The following TTC28 variants were observed in gnomAD, a reference collection of about 807,000 sequenced individuals.
The protein encoded by TTC28 is tetratricopeptide repeat protein 28.
A neutral mutation model predicts 198.0 loss-of-function variants in TTC28; 61 were observed. The observed-to-expected ratio is 0.31, with a 90% confidence interval of 0.25 to 0.38. TTC28 has a LOEUF of 0.38. TTC28 is among the 10% of genes least tolerant of loss of function. TTC28 has a pLI of 1.00. For missense variants in TTC28, 2,678 were observed against 3,164.0 expected, an observed-to-expected ratio of 0.85 and a Z score of 3.69; for synonymous variants, 1,171 against 1,297.8, an observed-to-expected ratio of 0.90 and a Z score of 2.10.
intron 21 of TTC28, among the ~76,000 whole-genome samples, chr22:27,989,112 T>C (rs932136253): frequency 4.6e-5 from 7 of 152,202 alleles, no homozygotes; most frequent in Admixed American, 3.3e-4. Context: ...CAGCCTCTTG[T>C]GTTCTATCAA....
chr22:28,171,844 A>G (rs1260829497), intron 5 of TTC28, among the ~76,000 whole-genome samples: 1 of 152,188 alleles, frequency 6.6e-6, no homozygotes, highest in Non-Finnish European at 1.5e-5. Flanking sequence ...AACAAAGAGC[A>G]TGTCACTTGG....
At chr22:28,371,598 A>ATTTTTTTTTTTTTTTTT (rs1409625873) in intron 2 of TTC28, among the ~76,000 whole-genome samples, 1,349 of 27,718 alleles carry the variant, frequency 0.049, 498 homozygotes, top group East Asian at 0.19. Flanking sequence ...AAAAAAAAAA[A>ATTTTTTTTTTTTTTTTT]TTTTTTTTTT....
At chr22:28,466,853 A>ACACC (rs1268610015) in intron 2 of TTC28, among the ~76,000 whole-genome samples, 1 of 151,308 alleles carries the variant, frequency 6.6e-6, no homozygotes, top group African/African-American at 2.4e-5. Flanking sequence ...ACACACACAC[A>ACACC]CACCCCTATG....
At chr22:28,647,732 G>A (rs563942452) in intron 1 of TTC28, among the ~76,000 whole-genome samples, 3 of 151,766 alleles carry the variant, frequency 2.0e-5, no homozygotes, top group South Asian at 4.2e-4. Flanking sequence ...CCAGCTACTC[G>A]GGAGGCTGAG....
At chr22:28,660,814 G>A (rs886905362) in intron 1 of TTC28, among the ~76,000 whole-genome samples, 11 of 151,226 alleles carry the variant, frequency 7.3e-5, no homozygotes, top group African/African-American at 2.7e-4. Flanking sequence ...ATGAGCCACC[G>A]CGGCTGGCCA....
At chr22:28,659,419 C>T (rs1404584214) in intron 1 of TTC28, among the ~76,000 whole-genome samples, 1 of 152,038 alleles carries the variant, frequency 6.6e-6, no homozygotes, top group East Asian at 1.9e-4. Context: ...CAGGTTCATG[C>T]CACCACGTCC....
chr22:28,491,768 T>C (rs1479142836), intron 2 of TTC28, among the ~76,000 whole-genome samples: 1 of 152,084 alleles, frequency 6.6e-6, no homozygotes, highest in Non-Finnish European at 1.5e-5. Context: ...GGGTATATAC[T>C]CAAAGGATTA....
intron 2 of TTC28, among the ~76,000 whole-genome samples, chr22:28,354,187 G>C (rs1432107186): frequency 1.3e-5 from 2 of 152,146 alleles, no homozygotes; most frequent in African/African-American, 4.8e-5. Context: ...TAGGTATATA[G>C]CCCTCAAAAT....
intron 12 of TTC28, among the ~76,000 whole-genome samples, chr22:28,086,135 A>C (rs1467160374): frequency 6.6e-6 from 1 of 152,134 alleles, no homozygotes; most frequent in Non-Finnish European, 1.5e-5. Context: ...ATACCCAGGA[A>C]TTGAACTCAG....
At chr22:28,223,444 C>A (rs532940188) in intron 5 of TTC28, among the ~76,000 whole-genome samples, 1 of 152,270 alleles carries the variant, frequency 6.6e-6, no homozygotes, top group South Asian at 2.1e-4. Flanking sequence ...TAAACGTTTA[C>A]AGGAAGCTAC....
chr22:28,072,721 C>T (rs574681143), intron 12 of TTC28, among the ~76,000 whole-genome samples: 1 of 152,268 alleles, frequency 6.6e-6, no homozygotes, highest in African/African-American at 2.4e-5. Flanking sequence ...GGATCCCATG[C>T]TATCAGAAGA....
Position 28,163,564 on chromosome 22 carries a change from C to T in TTC28, c.969G>A (p.Val323=), listed in dbSNP as rs1374805286. ...ASSALSSLGH[V]YTAIGDYPNA... ...TGGGGTAGTCTCCAATGGCTGTGTA[C>T]ACGTGGCCCAGACTGCTCAAGGCTG... The change falls in exon 6 of 23, where the codon GTG becomes GTA. Residue 323 remains valine (V), a synonymous_variant. Coordinates refer to ENST00000397906, the MANE Select transcript of TTC28 (RefSeq NM_001145418.2). 6.5e-7 allele frequency: 1 copy of T among 1,550,282 alleles called. No individual in the cohort carries two copies. The highest frequency in any genetic ancestry group is 1.4e-5 in the African/African-American group (1 of 73,016).
At chr22:28,222,064 G>A (rs140275251) in intron 5 of TTC28, among the ~76,000 whole-genome samples, 30 of 152,186 alleles carry the variant, frequency 2.0e-4, no homozygotes, top group African/African-American at 7.0e-4. Context: ...CTCCATTTCC[G>A]CCTGCTATAC....
intron 2 of TTC28, among the ~76,000 whole-genome samples, chr22:28,606,374 C>T (rs147797841): frequency 1.3e-5 from 2 of 152,232 alleles, no homozygotes; most frequent in African/African-American, 4.8e-5. Flanking sequence ...CAGGCATGAG[C>T]CACCACACCC....
At chr22:28,497,220 G>T (rs5762660) in intron 2 of TTC28, among the ~76,000 whole-genome samples, 91,050 of 151,936 alleles carry the variant, frequency 0.6, 27,792 homozygotes, top group South Asian at 0.73. Context: ...ATTTTAATCT[G>T]CTTGTGCACA....
At position 28,098,768 on chromosome 22, in the gene TTC28, T is replaced by C. The variant is rs13058493; in HGVS notation, c.3547+147A>G. 58,986 of 1,025,890 alleles carry C rather than the reference T, an allele frequency of 0.057. 2,234 individuals carry two copies. Among genetic ancestry groups the C allele is most frequent in the African/African-American group, 0.15 (9,132 of 61,722 alleles). The allele number at this position is 1,025,890 out of a possible 1,614,324, so 63.5% of individuals were successfully genotyped here. ...TGTTGAATAAATGAATGAATGTTCA[T>C]TGACTGGTTGTAGTTGTGGCTTCAC... On this transcript the variant is annotated intron_variant, in intron 10 of 22. Coordinates refer to ENST00000397906, the MANE Select transcript of TTC28 (RefSeq NM_001145418.2).
intron 5 of TTC28, among the ~76,000 whole-genome samples, chr22:28,170,442 T>C (rs1922550775): frequency 6.9e-6 from 1 of 145,206 alleles, no homozygotes; most frequent in African/African-American, 2.6e-5. Context: ...TGAGCCAAGA[T>C]CACACCACTG....
intron 2 of TTC28, among the ~76,000 whole-genome samples, chr22:28,585,171 G>T (rs2050295684): frequency 6.6e-6 from 1 of 152,154 alleles, no homozygotes; most frequent in East Asian, 1.9e-4. Flanking sequence ...CTGGGGCTGG[G>T]GAGATGGTTT....
At chr22:28,178,332 T>A (rs1467494767) in intron 5 of TTC28, among the ~76,000 whole-genome samples, 1 of 149,462 alleles carries the variant, frequency 6.7e-6, no homozygotes, top group South Asian at 2.1e-4. Flanking sequence ...CCAAGCCTAG[T>A]GGCACATGCC....
Sources: gnomAD v4.1 joint callset for allele counts (sites outside exome capture counted in the v4.1 genomes callset) on GRCh38, gnomAD v4.1.1 for gene constraint, MANE v1.5 for transcripts, NCBI Gene and HGNC (gene_info 2026-07-23, HGNC 2026-07-21) for gene names.